The following PDXK variants were observed in gnomAD, a reference collection of about 807,000 sequenced individuals.
The protein encoded by PDXK is pyridoxal kinase, also known as epididymis secretory sperm binding protein Li 1a.
PDXK carries 15 observed loss-of-function variants against 43.2 expected under a neutral mutation model. The ratio of observed to expected loss-of-function variants is 0.35; its 90% CI spans 0.23 to 0.53. The LOEUF is 0.53. Ranked by LOEUF, PDXK falls within the 20% of genes least tolerant of loss-of-function variation. The pLI is 0.92. For missense variants in PDXK, 343 were observed against 417.0 expected, an observed-to-expected ratio of 0.82 and a Z score of 1.54; for synonymous variants, 172 against 165.4, an observed-to-expected ratio of 1.04 and a Z score of -0.31.
At chr21:43,750,608 A>T (rs1356487680) in intron 7 of PDXK, 63 bp downstream of exon 7, 50 of 1,322,896 alleles carry the variant, frequency 3.8e-5, no homozygotes, top group Non-Finnish European at 4.8e-5. Flanking sequence ...GACGGGAGAC[A>T]GGCTGCCTGA....
At position 43,734,189 on chromosome 21, in the gene PDXK, G is replaced by A; in HGVS notation, c.142+66G>A. 6.9e-7 allele frequency: 1 copy of A among 1,441,120 alleles called. No homozygotes were observed. Among genetic ancestry groups the A allele is most frequent in the Non-Finnish European group, 9.8e-7 (1 of 1,024,802 alleles). The allele number at this position is 1,441,120 out of a possible 1,614,324, so 89.3% of individuals were successfully genotyped here. A position where few individuals can be genotyped will look rare whatever the true frequency, so the allele number is the denominator to read the frequency against. ...GGGTGTGAGGGACGGGGCGGAGTGT[G>A]GGTGTGAGGGACGGGGCGGAGTGTG... On this transcript the variant is annotated intron_variant, in intron 2 of 10. Coordinates refer to ENST00000291565, the MANE Select transcript of PDXK (RefSeq NM_003681.5). The surrounding 1 kb of genome is among the most constrained non-coding windows in gnomAD (Gnocchi z 5.0).
intron 1 of PDXK, among the ~76,000 whole-genome samples, chr21:43,722,064 TG>T (rs3216363): frequency 0.56 from 84,317 of 151,886 alleles, 24,332 homozygotes; most frequent in East Asian, 0.75. Context: ...GGAGAGGAGC[TG>T]GGGGGGCTGC....
At chr21:43,740,852 G>C (rs769146858) in intron 2 of PDXK, among the ~76,000 whole-genome samples, 10 of 151,538 alleles carry the variant, frequency 6.6e-5, no homozygotes, top group African/African-American at 1.9e-4. Flanking sequence ...GAGGAGTTGG[G>C]GGTGGGGACA....
Position 43,732,210 on chromosome 21 carries a change from T to C in PDXK, c.88-1859T>C. ...AGCCACTGCTGTACAGAGATGCCAA[T>C]TCCAGAGGCATGGTCCGGCACAGAG... On this transcript the variant is annotated intron_variant, in intron 1 of 10. Coordinates refer to ENST00000291565, the MANE Select transcript of PDXK (RefSeq NM_003681.5). The surrounding 1 kb of genome is among the most constrained non-coding windows in gnomAD (Gnocchi z 4.1). The C allele has an allele frequency of 7.0e-7, 1 of 1,437,954 alleles. No homozygotes were observed. The highest frequency in any genetic ancestry group is 2.8e-5 in the Admixed American group (1 of 35,400). The allele number at this position is 1,437,954 out of a possible 1,614,324, so 89.1% of individuals were successfully genotyped here. A position where few individuals can be genotyped will look rare whatever the true frequency, so the allele number is the denominator to read the frequency against.
chr21:43,743,939 T>A (rs1482817142), intron 4 of PDXK, 132 bp downstream of exon 4: 2 of 681,804 alleles, frequency 2.9e-6, no homozygotes, highest in Non-Finnish European at 5.3e-6. Context: ...TCCGGGCCAG[T>A]GAATTGTGTC....
intron 1 of PDXK, among the ~76,000 whole-genome samples, chr21:43,733,274 G>A (rs950273973): frequency 1.3e-3 from 43 of 32,680 alleles, no homozygotes; most frequent in African/African-American, 4.1e-3. Flanking sequence ...CGCCCCCCCC[G>A]CCCTGGAAAC....
rs1172700424 is a variant in PDXK, at chr21:43,757,805, C to G, written c.*1742C>G. ...TCCCTACAGGGCGCCGCCACACCAG[C>G]AGGAAGGAGGATGGCTGTGTCCGGA... On this transcript the variant is annotated 3_prime_UTR_variant, in exon 11 of 11. Transcript: ENST00000291565. The G allele has an allele frequency of 6.6e-6, 1 of 152,186 alleles. No individual in the cohort carries two copies. Among genetic ancestry groups the G allele is most frequent in the East Asian group, 1.9e-4 (1 of 5,182 alleles). 9.4% of individuals were successfully genotyped at this position (152,186 alleles called of 1,614,324 possible). A position where few individuals can be genotyped will look rare whatever the true frequency, so the allele number is the denominator to read the frequency against.
In PDXK at chr21:43,761,025, C is replaced by A. The variant is rs2083925019; in HGVS notation, c.*4962C>A. ...CAGTTTAATGAGTAAGTTTAGATGA[C>A]TGGTCAATATCTTAAAAATGTATAT... On this transcript the variant is annotated 3_prime_UTR_variant, in exon 11 of 11. Transcript: ENST00000291565. 1 of 152,180 alleles carries A rather than the reference C, an allele frequency of 6.6e-6. No homozygotes were observed. Among genetic ancestry groups the A allele is most frequent in the Admixed American group, 6.5e-5 (1 of 15,278 alleles). 9.4% of individuals were successfully genotyped at this position (152,180 alleles called of 1,614,324 possible).
intron 3 of PDXK, among the ~76,000 whole-genome samples, chr21:43,742,148 G>C (rs2083546912): frequency 6.6e-6 from 1 of 151,892 alleles, no homozygotes; most frequent in Non-Finnish European, 1.5e-5. Flanking sequence ...CAACTTTCTG[G>C]TTAAAAAAAA....
intron 1 of PDXK, chr21:43,733,855 C>T (rs2083360463): frequency 3.0e-6 from 2 of 657,236 alleles, no homozygotes; most frequent in Non-Finnish European, 5.1e-6. Context: ...GAGGGAAGCC[C>T]AGCTCCAGAC....
At chr21:43,733,150 C>T (rs1018901641) in intron 1 of PDXK, among the ~76,000 whole-genome samples, 1 of 151,952 alleles carries the variant, frequency 6.6e-6, no homozygotes, top group Non-Finnish European at 1.5e-5. Context: ...AAAGCCTTGG[C>T]AAATACAAAT....
Position 43,749,083 on chromosome 21 carries a change from A to G in PDXK, c.464+3A>G. On this transcript the variant is annotated splice_donor_region_variant and intron_variant, in intron 6 of 10. Transcript: ENST00000291565. ...ACGCCCAACCAGTTTGAGGCCGAGT[A>G]AGTCATTTTATTTTATTTTACTTTA... is the stretch of plus-strand genomic sequence containing the variant. 6.4e-7 allele frequency: 1 copy of G among 1,570,720 alleles called. No homozygotes were observed. Among genetic ancestry groups the G allele is most frequent in the South Asian group, 1.1e-5 (1 of 89,252 alleles).
In PDXK at chr21:43,723,816, G is replaced by C. The variant is rs1225288826; in HGVS notation, c.87+4435G>C. 1.3e-5 allele frequency: 2 copies of C among 152,300 alleles called. No individual in the cohort carries two copies. The highest frequency in any genetic ancestry group is 2.9e-5 in the Non-Finnish European group (2 of 68,084). The allele number at this position is 152,300 out of a possible 1,614,324, so 9.4% of individuals were successfully genotyped here. ...TGATATCCGTGTCCTTCATCTGTCA[G>C]CCTCTGGAGCCGCCGAGGCTGGGTG... On this transcript the variant is annotated intron_variant, in intron 1 of 10. Coordinates refer to ENST00000291565, the MANE Select transcript of PDXK (RefSeq NM_003681.5). The surrounding 1 kb of genome is among the most constrained non-coding windows in gnomAD (Gnocchi z 4.1).
intron 6 of PDXK, 25 bp from the exon 7 acceptor site, chr21:43,750,475 C>T (rs1249813561): frequency 6.3e-7 from 1 of 1,599,324 alleles, no homozygotes; most frequent in South Asian, 1.1e-5. Flanking sequence ...CTGTCCCCAC[C>T]CGCCTGTCCC....
intron 1 of PDXK, among the ~76,000 whole-genome samples, chr21:43,724,387 G>A (rs1217419035): frequency 3.3e-5 from 5 of 152,110 alleles, no homozygotes; most frequent in Admixed American, 2.0e-4. Context: ...CCGCTTCTCC[G>A]GACAGGAGCA....
intron 5 of PDXK, 49 bp from the exon 6 acceptor site, chr21:43,748,946 C>T: frequency 1.7e-6 from 2 of 1,199,616 alleles, no homozygotes; most frequent in African/African-American, 1.5e-5. Flanking sequence ...CCCTGGCGTG[C>T]TTCCCTCACG....
At position 43,742,939 on chromosome 21, in the gene PDXK, C is replaced by G. The variant is rs150747429; in HGVS notation, c.248-785C>G. Among the ~76,000 whole-genome samples the G allele has an allele frequency of 6.7e-3, 1,017 of 152,258 alleles. 39 individuals are homozygous for G. Among genetic ancestry groups the G allele is most frequent in the Admixed American group, 0.058 (892 of 15,298 alleles). ...AATATAAATAAAGGAAAGATCACTC[C>G]TTCACCTCTCGCCCGTGGGTTCATT... On this transcript the variant is annotated intron_variant, in intron 3 of 10. Coordinates refer to ENST00000291565, the MANE Select transcript of PDXK (RefSeq NM_003681.5).
In PDXK at chr21:43,754,119, TGTGACCACGGCA is replaced by T. The variant is rs2083804750; in HGVS notation, c.759+407_759+418del. Reference sequence around the variant, plus strand: ...TGGCACCCTGCAGCATTTCCCACAGTGTGACCACGGCAGTGACCTGAGGGACGGAAAGGCCGG... The same window carrying T: ...TGGCACCCTGCAGCATTTCCCACAGTGTGACCTGAGGGACGGAAAGGCCGG... On this transcript the variant is annotated intron_variant, in intron 9 of 10. Transcript: ENST00000291565. This position sits in a 1 kb window ranked among gnomAD's most constrained non-coding sequence, Gnocchi z 5.5. 6.6e-6 allele frequency among the ~76,000 whole-genome samples: 1 copy of T among 152,196 alleles called. No homozygotes were observed. Among genetic ancestry groups the T allele is most frequent in the Non-Finnish European group, 1.5e-5 (1 of 68,022 alleles).
intron 1 of PDXK, among the ~76,000 whole-genome samples, chr21:43,721,081 C>T (rs1177890146): frequency 6.6e-6 from 1 of 152,216 alleles, no homozygotes; most frequent in African/African-American, 2.4e-5. Context: ...CCACAGGGTT[C>T]CATGCAGGCA....
Sources: allele counts gnomAD v4.1 joint callset (sites outside exome capture counted in the v4.1 genomes callset), GRCh38; gene constraint gnomAD v4.1.1; non-coding constraint Gnocchi (gnomAD v3.1); transcripts MANE v1.5; gene names NCBI Gene and HGNC (gene_info 2026-07-23, HGNC 2026-07-21).